COG5: variants seen among roughly 807,000 people sequenced by gnomAD.
The protein encoded by COG5 is component of oligomeric golgi complex 5, also known as conserved oligomeric Golgi complex subunit 5.
Under a neutral mutation model 110.4 loss-of-function variants are expected in COG5, and 86 were observed. The observed-to-expected ratio is 0.78, with a 90% CI of 0.65 to 0.93. The LOEUF (loss-of-function observed/expected upper bound fraction) is 0.93. Among genes scored for constraint, COG5 ranks in the 40% least tolerant of loss-of-function variants. The probability of loss-of-function intolerance (pLI) is 0.00; values close to 1 mark genes in which losing one functional copy is unlikely to be tolerated. For synonymous variants in COG5, 360 were observed against 334.6 expected, an observed-to-expected ratio of 1.08 and a Z score of -0.83; for missense variants, 1,077 against 987.0, an observed-to-expected ratio of 1.09 and a Z score of -1.22.
At chr7:107,357,989 G>A (rs1183497440) in intron 10 of COG5, among the ~76,000 whole-genome samples, 1 of 152,068 alleles carries the variant, frequency 6.6e-6, no homozygotes, top group African/African-American at 2.4e-5. Flanking sequence ...TTAAAATCTG[G>A]CCTGCACAAG....
At chr7:107,266,987 C>G (rs796324543) in intron 14 of COG5, among the ~76,000 whole-genome samples, 5 of 152,310 alleles carry the variant, frequency 3.3e-5, no homozygotes, top group African/African-American at 9.6e-5. Flanking sequence ...ATCTTAACAT[C>G]AGGCTAAATC....
At chr7:107,419,856 CTT>C (rs908208307) in intron 6 of COG5, among the ~76,000 whole-genome samples, 11 of 152,200 alleles carry the variant, frequency 7.2e-5, no homozygotes, top group African/African-American at 2.7e-4. Context: ...GCGTGAGCCA[CTT>C]TGCCTGGCCA....
At chr7:107,475,170 T>C (rs1796894112) in intron 6 of COG5, 4 of 1,610,348 alleles carry the variant, frequency 2.5e-6, no homozygotes, top group African/African-American at 1.3e-5. Flanking sequence ...ATGCATTCAC[T>C]AGACAAAAAT....
chr7:107,320,048 G>C (rs1286587917), intron 11 of COG5, among the ~76,000 whole-genome samples: 1 of 152,176 alleles, frequency 6.6e-6, no homozygotes, highest in Non-Finnish European at 1.5e-5. Flanking sequence ...TGATGTTGTA[G>C]AGTGTGACAT....
intron 5 of COG5, among the ~76,000 whole-genome samples, chr7:107,539,065 T>G (rs2129166782): frequency 6.6e-6 from 1 of 151,970 alleles, no homozygotes; most frequent in South Asian, 2.1e-4. Flanking sequence ...ATCACTTGAG[T>G]CCAGAAGTTT....
intron 7 of COG5, among the ~76,000 whole-genome samples, chr7:107,400,466 T>C (rs189769411): frequency 7.2e-5 from 11 of 152,292 alleles, no homozygotes; most frequent in South Asian, 6.2e-4. Context: ...TAAAATCATA[T>C]AGATTTATAC....
chr7:107,255,642 G>C (rs978396624), intron 16 of COG5, among the ~76,000 whole-genome samples: 1 of 152,016 alleles, frequency 6.6e-6, no homozygotes, highest in African/African-American at 2.4e-5. Flanking sequence ...CTCTCCCTTA[G>C]AGATGTAAAT....
intron 11 of COG5, among the ~76,000 whole-genome samples, chr7:107,304,622 T>A (rs191914469): frequency 9.0e-4 from 137 of 152,286 alleles, no homozygotes; most frequent in African/African-American, 3.2e-3. Flanking sequence ...GTATTCTTTA[T>A]CCCAGAGTTG....
intron 5 of COG5, among the ~76,000 whole-genome samples, chr7:107,527,971 A>C (rs1800892780): frequency 6.6e-6 from 1 of 151,930 alleles, no homozygotes; most frequent in African/African-American, 2.4e-5. Context: ...AAAATTGACA[A>C]TCACTATGCT....
intron 19 of COG5, among the ~76,000 whole-genome samples, chr7:107,227,736 T>G (rs950872343): frequency 2.0e-5 from 3 of 151,410 alleles, no homozygotes; most frequent in Non-Finnish European, 4.4e-5. Context: ...CGGTAAAGGG[T>G]CTCAGTCTGT....
chr7:107,338,037 G>A (rs1422335549), intron 10 of COG5, among the ~76,000 whole-genome samples: 1 of 152,018 alleles, frequency 6.6e-6, no homozygotes, highest in Non-Finnish European at 1.5e-5. Flanking sequence ...ACAATGGGCT[G>A]CCATCAACAA....
chr7:107,249,471 C>T (rs746373856), intron 16 of COG5, among the ~76,000 whole-genome samples: 4 of 151,928 alleles, frequency 2.6e-5, no homozygotes, highest in Non-Finnish European at 4.4e-5. Context: ...TAGTTATGGG[C>T]TTTTAGTGTG....
At chr7:107,495,175 G>A (rs916882152) in intron 6 of COG5, among the ~76,000 whole-genome samples, 4 of 152,104 alleles carry the variant, frequency 2.6e-5, no homozygotes, top group African/African-American at 9.7e-5. Context: ...CGGTGTCAGA[G>A]GACTGAGCTC....
At chr7:107,447,029 G>C (rs1184548186) in intron 6 of COG5, among the ~76,000 whole-genome samples, 1 of 152,146 alleles carries the variant, frequency 6.6e-6, no homozygotes, top group African/African-American at 2.4e-5. Flanking sequence ...TTACTTAATG[G>C]AGGCTCTGGG....
intron 11 of COG5, among the ~76,000 whole-genome samples, chr7:107,305,276 CCTTCATAG>C (rs1807615166): frequency 6.6e-6 from 1 of 152,126 alleles, no homozygotes; most frequent in Non-Finnish European, 1.5e-5. Flanking sequence ...AAACAGTCAG[CCTTCATAG>C]CTTAATTAAG....
intron 6 of COG5, among the ~76,000 whole-genome samples, chr7:107,437,172 T>C (rs758490386): frequency 2.5e-4 from 38 of 152,208 alleles, no homozygotes; most frequent in Admixed American, 2.0e-4. Context: ...CCAAATCATT[T>C]AAAAACCATG....
chr7:107,366,802 G>T lies in COG5; in HGVS notation c.836-4382C>A, dbSNP rs187865911. Among the ~76,000 whole-genome samples the T allele has an allele frequency of 4.4e-3, 672 of 152,172 alleles. 3 individuals carry two copies. Among genetic ancestry groups the T allele is most frequent in the African/African-American group, 0.015 (643 of 41,544 alleles). Reference sequence around the variant, plus strand: ...CTACCTCTTATCCAATTCTCCCCATGTGAAGAGGAGTGAGTGATGAGTGAA... The same window carrying T: ...CTACCTCTTATCCAATTCTCCCCATTTGAAGAGGAGTGAGTGATGAGTGAA... On this transcript the variant is annotated intron_variant, in intron 8 of 21. Coordinates refer to ENST00000297135, the MANE Select transcript of COG5 (RefSeq NM_006348.5).
At chr7:107,283,461 G>A (rs1584618317) in intron 13 of COG5, 110 bp downstream of exon 13, 1 of 895,036 alleles carries the variant, frequency 1.1e-6, no homozygotes, top group Non-Finnish European at 1.7e-6. Flanking sequence ...TTAATTGTGG[G>A]CCTAATTACT....
chr7:107,520,096 A>G (rs1170030055), intron 6 of COG5, among the ~76,000 whole-genome samples: 3 of 152,104 alleles, frequency 2.0e-5, no homozygotes, highest in South Asian at 2.1e-4. Flanking sequence ...AATTCAACAC[A>G]CCTTCATGTT....
Sources: allele counts gnomAD v4.1 joint callset (sites outside exome capture counted in the v4.1 genomes callset), GRCh38; gene constraint gnomAD v4.1.1; transcripts MANE v1.5; gene names NCBI Gene and HGNC (gene_info 2026-07-23, HGNC 2026-07-21).